TAF6L: variants seen among roughly 807,000 people sequenced by gnomAD.
The protein encoded by TAF6L is TATA-box binding protein associated factor 6 like.
TAF6L carries 34 observed loss-of-function variants against 57.3 expected under a neutral mutation model. The observed-to-expected ratio is 0.59, with a 90% CI of 0.45 to 0.79. The LOEUF is 0.79. Ranked by LOEUF, TAF6L falls within the 30% of genes least tolerant of loss-of-function variation. TAF6L has a pLI of 0.00. For synonymous variants in TAF6L, 417 were observed against 376.3 expected, an observed-to-expected ratio of 1.11 and a Z score of -1.25; for missense variants, 782 against 853.2, an observed-to-expected ratio of 0.92 and a Z score of 1.04.
At position 62,778,776 on chromosome 11, in the gene TAF6L, G is replaced by T. The variant is rs987689368; in HGVS notation, c.437-93G>T. 1.3e-5 allele frequency: 14 copies of T among 1,048,364 alleles called. No homozygotes were observed. In the African/African-American group the frequency reaches 2.0e-4, roughly 15 times the overall value. The allele number at this position is 1,048,364 out of a possible 1,614,324, so 64.9% of individuals were successfully genotyped here. On this transcript the variant is annotated intron_variant, in intron 5 of 10. Coordinates refer to ENST00000294168, the MANE Select transcript of TAF6L (RefSeq NM_006473.4). Reference sequence around the variant, plus strand: ...TGTCAGAAAGGCTTCTTGTGGATGTGTGTGGGGATGGTGGTTGAGGGGGAG... The same window carrying T: ...TGTCAGAAAGGCTTCTTGTGGATGTTTGTGGGGATGGTGGTTGAGGGGGAG...
At chr11:62,774,743 G>C in intron 1 of TAF6L, 4 of 442,586 alleles carry the variant, frequency 9.0e-6, no homozygotes, top group Non-Finnish European at 1.8e-5. Context: ...AGAAAGCCCA[G>C]CTACTATCCA....
Position 62,778,014 on chromosome 11 carries a change from A to G in TAF6L, c.271A>G (p.Met91Val). The change falls in exon 4 of 11, where the codon ATG (methionine) becomes GTG (valine). Residue 91 changes from methionine (M) to valine (V), a missense_variant. Around this residue, in one of 3 missense-constraint regions of TAF6L, gnomAD observed 220 missense variants for 252.1 expected, o/e 0.87. Transcript: ENST00000294168. Reference sequence around the variant, plus strand: ...TTACGGATCACAGGAGGCACTGCCCATGCGCCCCGCCAGGGAGGGTGAACT... The same window carrying G: ...TTACGGATCACAGGAGGCACTGCCCGTGCGCCCCGCCAGGGAGGGTGAACT... The part of the protein sequence containing the change: ...CGYGSQEALP[M>V]RPAREGELYF... 6.2e-7 allele frequency: 1 copy of G among 1,614,194 alleles called. No homozygotes were observed. Among genetic ancestry groups the G allele is most frequent in the Non-Finnish European group, 8.5e-7 (1 of 1,180,036 alleles).
chr11:62,772,852 CT>C (rs35555640), intron 1 of TAF6L, among the ~76,000 whole-genome samples: 15,648 of 142,506 alleles, frequency 0.11, 1,902 homozygotes, highest in African/African-American at 0.3. Context: ...TTTAGAAGAT[CT>C]TTTTTTTTTG....
At chr11:62,775,953 T>TA (rs754658111) in intron 2 of TAF6L, 23 bp downstream of exon 2, 2 of 1,580,844 alleles carry the variant, frequency 1.3e-6, no homozygotes, top group African/African-American at 2.7e-5. Flanking sequence ...CACCCCCTGA[T>TA]ACCTCCAACT....
At chr11:62,783,918 C>A (rs1395668793) in intron 9 of TAF6L, among the ~76,000 whole-genome samples, 2 of 149,180 alleles carry the variant, frequency 1.3e-5, no homozygotes, top group Non-Finnish European at 3.0e-5. Flanking sequence ...CTTTTGTATA[C>A]CTGGAATAAG....
chr11:62,775,288 G>A (rs760095504), intron 1 of TAF6L, among the ~76,000 whole-genome samples: 14 of 152,084 alleles, frequency 9.2e-5, no homozygotes, highest in African/African-American at 4.8e-5. Flanking sequence ...GAACAGCATG[G>A]GGGAAAATGT....
At chr11:62,775,710 C>T in intron 1 of TAF6L, 61 bp from the exon 2 acceptor site, 1 of 1,521,248 alleles carries the variant, frequency 6.6e-7, no homozygotes. Flanking sequence ...GGTGTTGGAT[C>T]ACACTCCTGG....
chr11:62,778,386 G>A (rs781323529), intron 5 of TAF6L, 51 bp downstream of exon 5: 3 of 1,598,044 alleles, frequency 1.9e-6, no homozygotes, highest in African/African-American at 1.3e-5. Context: ...TCTCCCTTAG[G>A]TTCTGAGGGT....
intron 1 of TAF6L, chr11:62,774,528 G>A: frequency 2.2e-6 from 1 of 453,300 alleles, no homozygotes; most frequent in East Asian, 7.0e-5. Context: ...TGCCTGGGTG[G>A]GTCATCCTGG....
chr11:62,782,937 T>C (rs913551804), intron 9 of TAF6L, 112 bp downstream of exon 9: 3 of 1,483,914 alleles, frequency 2.0e-6, no homozygotes, highest in Admixed American at 2.0e-5. Context: ...CTGCCATGTA[T>C]TGAGTTCTGG....
Position 62,786,771 on chromosome 11 carries a change from C to G in TAF6L, c.1344C>G (p.Phe448Leu). 2 of 1,612,526 alleles carry G rather than the reference C, an allele frequency of 1.2e-6. No homozygotes were observed. Among genetic ancestry groups the G allele is most frequent in the South Asian group, 1.1e-5 (1 of 91,066 alleles). The change falls in exon 11 of 11, where the codon TTC becomes TTG. Residue 448 changes from phenylalanine (F) to leucine (L), a missense_variant. This residue lies in a region of TAF6L where 483 missense variants were observed against 445.1 expected (regional missense o/e 1.09). Coordinates refer to ENST00000294168, the MANE Select transcript of TAF6L (RefSeq NM_006473.4). ...ADIYRELYAF[F>L]GDSLATRFGT... The stretch of plus-strand genomic sequence containing the variant: ...TCTACCGGGAGCTCTACGCCTTCTT[C>G]GGTGACAGCTTGGCCACACGCTTTG...
intron 1 of TAF6L, among the ~76,000 whole-genome samples, chr11:62,773,378 C>T (rs2084163678): frequency 6.6e-6 from 1 of 151,972 alleles, no homozygotes; most frequent in Non-Finnish European, 1.5e-5. Flanking sequence ...GAACTCCTGA[C>T]CTTGTGATCC....
chr11:62,782,485 C>T, intron 8 of TAF6L, 152 bp downstream of exon 8: 2 of 1,039,406 alleles, frequency 1.9e-6, no homozygotes, highest in Non-Finnish European at 2.8e-6. Context: ...CTGTGACACA[C>T]TGGGATTCTG....
chr11:62,786,090 T>A (rs761571553), intron 9 of TAF6L, 170 bp from the exon 10 acceptor site: 232 of 757,536 alleles, frequency 3.1e-4, no homozygotes, highest in Non-Finnish European at 4.7e-4. Context: ...CTAGCTTAGG[T>A]ATACAGTAGG....
At chr11:62,772,176 A>T in intron 1 of TAF6L, 1 of 456,172 alleles carries the variant, frequency 2.2e-6, no homozygotes. Flanking sequence ...ATTATTGAGA[A>T]TATAGTGAAG....
At chr11:62,777,205 T>A (rs1379642456) in intron 3 of TAF6L, among the ~76,000 whole-genome samples, 1 of 151,142 alleles carries the variant, frequency 6.6e-6, no homozygotes, top group African/African-American at 2.4e-5. Flanking sequence ...TGGGCACCTG[T>A]AATCCCAACT....
chr11:62,772,915 T>C (rs2084160201), intron 1 of TAF6L, among the ~76,000 whole-genome samples: 1 of 151,956 alleles, frequency 6.6e-6, no homozygotes, highest in Non-Finnish European at 1.5e-5. Flanking sequence ...TTTAGCTCTG[T>C]CATCCAGGCT....
At position 62,778,143 on chromosome 11, in the gene TAF6L, C is replaced by A; in HGVS notation, c.385+15C>A. 6.2e-7 allele frequency: 1 copy of A among 1,614,048 alleles called. No individual in the cohort carries two copies. On this transcript the variant is annotated intron_variant, in intron 4 of 10. Transcript: ENST00000294168. ...AGCTGTCAGAGGTGGCTGCCGGGGT[C>A]CTGCATGGGTTGGGGATGGGAGTTG...
intron 1 of TAF6L, among the ~76,000 whole-genome samples, chr11:62,773,587 A>G (rs2084165302): frequency 6.6e-6 from 1 of 151,874 alleles, no homozygotes; most frequent in Non-Finnish European, 1.5e-5. Context: ...AGCTGGGATT[A>G]CAGGCATGTG....
Sources: gnomAD v4.1 joint callset for allele counts (sites outside exome capture counted in the v4.1 genomes callset) on GRCh38, gnomAD v4.1.1 for gene constraint, gnomAD v4.1.1 regional missense constraint, MANE v1.5 for transcripts, NCBI Gene and HGNC (gene_info 2026-07-23, HGNC 2026-07-21) for gene names.